CCDC7: variants seen among roughly 807,000 people sequenced by gnomAD.
CCDC7 encodes the protein coiled-coil domain containing 7.
In CCDC7, 183 loss-of-function variants were observed where a neutral mutation model predicts 196.9. The ratio of observed to expected loss-of-function variants is 0.93; its 90% confidence interval spans 0.82 to 1.05. The LOEUF is 1.05. Ranked by LOEUF, CCDC7 falls within the 50% of genes least tolerant of loss-of-function variation. The probability of loss-of-function intolerance (pLI) is 0.00; values close to 1 mark genes in which losing one functional copy is unlikely to be tolerated. For synonymous variants in CCDC7, 525 were observed against 484.6 expected, an observed-to-expected ratio of 1.08 and a Z score of -1.10; for missense variants, 1,540 against 1,482.2, an observed-to-expected ratio of 1.04 and a Z score of -0.64.
chr10:32,855,396 A>G (rs926312867), intron 41 of CCDC7, among the ~76,000 whole-genome samples: 2 of 152,192 alleles, frequency 1.3e-5, no homozygotes, highest in African/African-American at 2.4e-5. Flanking sequence ...ATATAATGAA[A>G]TAATTATACA....
At chr10:32,565,315 T>C (rs1365362438) in intron 13 of CCDC7, among the ~76,000 whole-genome samples, 1 of 152,184 alleles carries the variant, frequency 6.6e-6, no homozygotes, top group Admixed American at 6.5e-5. Flanking sequence ...AAAGGAGAAA[T>C]GAAATGTTTG....
At chr10:32,549,071 TCTA>T (rs1478473435) in intron 13 of CCDC7, among the ~76,000 whole-genome samples, 2 of 152,162 alleles carry the variant, frequency 1.3e-5, no homozygotes, top group African/African-American at 4.8e-5. Context: ...CACACCAACA[TCTA>T]CTGTTTTTTG....
At chr10:32,745,206 T>C (rs1565370085) in intron 28 of CCDC7, among the ~76,000 whole-genome samples, 1 of 152,214 alleles carries the variant, frequency 6.6e-6, no homozygotes, top group Non-Finnish European at 1.5e-5. Context: ...GACCACACTG[T>C]CTTGACTACT....
chr10:32,871,413 G>C (rs1374956679), intron 41 of CCDC7, among the ~76,000 whole-genome samples: 1 of 151,982 alleles, frequency 6.6e-6, no homozygotes, highest in Admixed American at 6.6e-5. Flanking sequence ...ATTCTCTGAT[G>C]GTAGTTTGTA....
chr10:32,551,700 A>T (rs1323673283), intron 13 of CCDC7, among the ~76,000 whole-genome samples: 1 of 152,016 alleles, frequency 6.6e-6, no homozygotes, highest in Non-Finnish European at 1.5e-5. Flanking sequence ...ATGTATTTGC[A>T]TGGTTTTGAA....
exon 3 of CCDC7, chr10:32,456,333 A>C: frequency 1.3e-6 from 2 of 1,570,850 alleles, no homozygotes; most frequent in Non-Finnish European, 1.7e-6. Context: ...GAAGAACAAA[A>C]TGTATGTATT....
At chr10:32,466,236 T>C (rs2036741925) in intron 5 of CCDC7, among the ~76,000 whole-genome samples, 1 of 149,076 alleles carries the variant, frequency 6.7e-6, no homozygotes, top group Non-Finnish European at 1.5e-5. Context: ...TGTACTGTTT[T>C]TCAAGGAGTG....
chr10:32,864,388 T>C (rs1218335974), intron 41 of CCDC7, among the ~76,000 whole-genome samples: 1 of 151,654 alleles, frequency 6.6e-6, no homozygotes, highest in Non-Finnish European at 1.5e-5. Flanking sequence ...CAAAAAAAAT[T>C]GTAATTATAA....
intron 9 of CCDC7, among the ~76,000 whole-genome samples, chr10:32,517,234 G>A (rs925131971): frequency 2.0e-5 from 3 of 151,932 alleles, no homozygotes; most frequent in African/African-American, 2.4e-5. Flanking sequence ...AATCATTAGC[G>A]CTTAAAAAAA....
chr10:32,565,648 T>G (rs747366214), intron 14 of CCDC7, 28 bp downstream of exon 15: 1 of 1,590,188 alleles, frequency 6.3e-7, no homozygotes, highest in Admixed American at 1.8e-5. Flanking sequence ...TCTTTAACAT[T>G]GTTAACAAGT....
At chr10:32,736,140 G>C (rs139171637) in intron 28 of CCDC7, among the ~76,000 whole-genome samples, 1 of 151,870 alleles carries the variant, frequency 6.6e-6, no homozygotes, top group Admixed American at 6.6e-5. Flanking sequence ...AACTATTCTG[G>C]GTCTTTTGCC....
intron 24 of CCDC7, among the ~76,000 whole-genome samples, chr10:32,708,912 C>G (rs2080297604): frequency 1.3e-5 from 2 of 152,076 alleles, no homozygotes; most frequent in Admixed American, 1.3e-4. Context: ...AGACAGTGTG[C>G]CAATTCCTCA....
intron 5 of CCDC7, among the ~76,000 whole-genome samples, chr10:32,469,853 C>T (rs2037588831): frequency 6.6e-6 from 1 of 152,080 alleles, no homozygotes; most frequent in Non-Finnish European, 1.5e-5. Flanking sequence ...CTTCAGGACC[C>T]TCTACTGAAA....
rs779341941 is a variant in CCDC7 at position 32,633,696 on chromosome 10, A to ATATATGTGTGTG, written c.1802-557_1802-556insATATGTGTGTGT. The stretch of plus-strand genomic sequence containing the variant: ...TTTAGCTTTGTGTATATATATATAT[A>ATATATGTGTGTG]TGTGTGTGTGTGTGTGTGTGTGTGT... On this transcript the variant is annotated intron_variant, in intron 18 of 41. Coordinates refer to ENST00000639629, the Ensembl canonical transcript of CCDC7. Among the ~76,000 whole-genome samples the ATATATGTGTGTG allele has an allele frequency of 1.7e-3, 233 of 135,206 alleles. 1 individual carries two copies. Among genetic ancestry groups the ATATATGTGTGTG allele is most frequent in the East Asian group, 4.7e-3 (21 of 4,464 alleles). The allele number at this position is 135,206 out of a possible 152,430, so 88.7% of individuals were successfully genotyped here.
intron 20 of CCDC7, among the ~76,000 whole-genome samples, chr10:32,655,938 G>A (rs1049394752): frequency 1.3e-4 from 20 of 152,190 alleles, no homozygotes; most frequent in Middle Eastern, 6.8e-3. Flanking sequence ...CATTCCTTAC[G>A]TATTTTGACT....
chr10:32,844,336 CAAG>C (rs2093155601), intron 33 of CCDC7, among the ~76,000 whole-genome samples: 1 of 151,880 alleles, frequency 6.6e-6, no homozygotes. Context: ...TCTACAAACT[CAAG>C]AAGATATGAA....
intron 18 of CCDC7, among the ~76,000 whole-genome samples, chr10:32,629,094 G>A (rs1457516511): frequency 6.6e-6 from 1 of 152,106 alleles, no homozygotes; most frequent in Non-Finnish European, 1.5e-5. Context: ...TGAAAGTGGA[G>A]TATTAAAGTT....
At chr10:32,509,705 TG>T (rs1327622480) in intron 9 of CCDC7, among the ~76,000 whole-genome samples, 1 of 152,056 alleles carries the variant, frequency 6.6e-6, no homozygotes, top group Non-Finnish European at 1.5e-5. Context: ...ACAACTGAAT[TG>T]AAGATAAAAA....
At chr10:32,693,237 T>A (rs961410326) in intron 23 of CCDC7, among the ~76,000 whole-genome samples, 3 of 152,226 alleles carry the variant, frequency 2.0e-5, no homozygotes, top group African/African-American at 7.2e-5. Flanking sequence ...ATGAAACTAC[T>A]TTTGAAAGTA....
Sources: allele counts gnomAD v4.1 joint callset (sites outside exome capture counted in the v4.1 genomes callset), GRCh38; gene constraint gnomAD v4.1.1; transcripts MANE v1.5; gene names NCBI Gene and HGNC (gene_info 2026-07-23, HGNC 2026-07-21).